The following PHF14 variants were observed in gnomAD, a reference collection of about 807,000 sequenced individuals.
PHF14 encodes PHD finger protein 14.
PHF14 carries 55 observed loss-of-function variants against 117.9 expected under a neutral mutation model. That is an observed-to-expected ratio of 0.47 (90% confidence interval 0.38 to 0.58). The LOEUF is 0.58. Among genes scored for constraint, PHF14 ranks in the 20% least tolerant of loss-of-function variants. PHF14 has a pLI of 0.00. For missense variants in PHF14, 978 were observed against 1,122.2 expected (o/e 0.87, Z 1.84); for synonymous variants, 409 against 368.6 (o/e 1.11, Z -1.26).
Position 11,040,679 on chromosome 7 carries a change from A to G in PHF14, c.2084A>G (p.Asn695Ser), listed in dbSNP as rs1352015139. 6.5e-7 allele frequency: 1 copy of G among 1,540,326 alleles called. No homozygotes were observed. The highest frequency in any genetic ancestry group is 1.4e-5 in the African/African-American group (1 of 72,678). ...LLGRITGQKL[N>S]IPAILRAPKE... The stretch of plus-strand genomic sequence containing the variant: ...ATTTGTTCAAATCAATAGAAGTTGA[A>G]TATACCGGCAATTTTGCGAGCACCC... Residue 695 changes from asparagine to serine, a missense_variant, in exon 12 of 18, where the codon AAT becomes AGT. Coordinates refer to ENST00000634607, the MANE Select transcript of PHF14 (RefSeq NM_001007157.2).
chr7:11,031,573 C>G (rs1480353804), intron 7 of PHF14, among the ~76,000 whole-genome samples: 1 of 142,770 alleles, frequency 7.0e-6, no homozygotes. Context: ...GGCAACATAG[C>G]AGGACCCCAT....
intron 16 of PHF14, among the ~76,000 whole-genome samples, chr7:11,091,337 CAG>C (rs1310614818): frequency 2.7e-5 from 4 of 150,882 alleles, no homozygotes; most frequent in Non-Finnish European, 5.9e-5. Context: ...AGAGTAGAAA[CAG>C]AAAAAAGATG....
chr7:11,031,533 G>C (rs1784120732), intron 7 of PHF14, among the ~76,000 whole-genome samples: 1 of 150,680 alleles, frequency 6.6e-6, no homozygotes, highest in African/African-American at 2.4e-5. Context: ...CCAGAGGATT[G>C]CTTGAGGCCA....
chr7:11,024,265 G>A (rs181325476), intron 6 of PHF14, among the ~76,000 whole-genome samples: 4 of 152,276 alleles, frequency 2.6e-5, no homozygotes, highest in Admixed American at 2.0e-4. Flanking sequence ...AGCAGAGGTT[G>A]GTTCATGAGG....
intron 17 of PHF14, among the ~76,000 whole-genome samples, chr7:11,152,345 T>C (rs901806829): frequency 1.3e-5 from 2 of 152,162 alleles, no homozygotes; most frequent in African/African-American, 2.4e-5. Flanking sequence ...CCAAGGGCAG[T>C]TCCTGAGTGT....
intron 16 of PHF14, among the ~76,000 whole-genome samples, chr7:11,101,802 C>G (rs1183712435): frequency 6.6e-6 from 1 of 151,846 alleles, no homozygotes; most frequent in African/African-American, 2.4e-5. Context: ...CTCATCTTCA[C>G]AGATCTAAAT....
At chr7:11,153,194 A>C (rs551911363) in intron 17 of PHF14, among the ~76,000 whole-genome samples, 2 of 152,352 alleles carry the variant, frequency 1.3e-5, no homozygotes, top group Admixed American at 6.5e-5. Flanking sequence ...ATCCACAGGC[A>C]AGAAACATGA....
chr7:11,096,234 T>C (rs1287953685), intron 16 of PHF14, among the ~76,000 whole-genome samples: 3 of 152,214 alleles, frequency 2.0e-5, no homozygotes, highest in African/African-American at 7.2e-5. Context: ...GCCATCCATG[T>C]ATTTTGTAAA....
At chr7:11,166,735 A>AT (rs1789211978) in intron 17 of PHF14, among the ~76,000 whole-genome samples, 1 of 152,170 alleles carries the variant, frequency 6.6e-6, no homozygotes, top group Non-Finnish European at 1.5e-5. Flanking sequence ...GGTTACAGCT[A>AT]TCCTTCTAAA....
intron 16 of PHF14, chr7:11,106,020 T>C (rs148765636): frequency 1.0e-6 from 1 of 984,824 alleles, no homozygotes; most frequent in African/African-American, 1.7e-5. Context: ...AATCAGTTTA[T>C]TAAAGAACAA....
At chr7:11,027,902 G>A (rs962474784) in intron 6 of PHF14, among the ~76,000 whole-genome samples, 1 of 151,802 alleles carries the variant, frequency 6.6e-6, no homozygotes, top group African/African-American at 2.4e-5. Flanking sequence ...TGTTATTTTT[G>A]GCAAGCAGAT....
intron 4 of PHF14, among the ~76,000 whole-genome samples, chr7:10,995,079 G>A (rs183430931): frequency 1.3e-5 from 2 of 152,210 alleles, no homozygotes; most frequent in Admixed American, 6.5e-5. Flanking sequence ...CTCCAAGTCC[G>A]CACAGAGCAC....
chr7:11,083,357 T>C (rs1786227933), intron 16 of PHF14, among the ~76,000 whole-genome samples: 2 of 152,080 alleles, frequency 1.3e-5, no homozygotes, highest in South Asian at 4.2e-4. Flanking sequence ...GTGCTTTACC[T>C]TCTAGGTGTG....
chr7:11,161,674 A>AAAAATATTATATTTTATTTAAAT lies in PHF14; in HGVS notation c.2773-7737_2773-7715dup, dbSNP rs1562491015. 1.2e-4 allele frequency among the ~76,000 whole-genome samples: 15 copies of AAAAATATTATATTTTATTTAAAT among 129,062 alleles called. 1 individual carries two copies. Among genetic ancestry groups the AAAAATATTATATTTTATTTAAAT allele is most frequent in the Admixed American group, 2.3e-4 (3 of 13,316 alleles). 84.7% of individuals were successfully genotyped at this position (129,062 alleles called of 152,430 possible). ...TCAAAAGCAGGTAAAAACTCTAAAT[A>AAAAATATTATATTTTATTTAAAT]AAAATATTATATTTTATTTAAATAA... On this transcript the variant is annotated intron_variant, in intron 17 of 17. Transcript: ENST00000634607.
chr7:11,109,004 A>G (rs1224142225), intron 16 of PHF14: 1 of 151,810 alleles, frequency 6.6e-6, no homozygotes, highest in South Asian at 2.1e-4. Flanking sequence ...ATTATTAGCA[A>G]TCTGAACTCT....
At chr7:11,122,350 T>TACACACACACACACAC (rs1179471501) in intron 17 of PHF14, among the ~76,000 whole-genome samples, 9 of 63,090 alleles carry the variant, frequency 1.4e-4, no homozygotes, top group East Asian at 1.4e-3. Context: ...TATATATATA[T>TACACACACACACACAC]ATACACACAC....
At chr7:11,106,737 T>G (rs1349841065) in intron 16 of PHF14, 1 of 983,878 alleles carries the variant, frequency 1.0e-6, no homozygotes, top group African/African-American at 1.7e-5. Context: ...CAAGACTAAT[T>G]TTTTTGAACA....
chr7:11,036,666 A>T lies in PHF14; in HGVS notation c.1851A>T (p.Ala617=). Residue 617 remains alanine, a synonymous_variant, in exon 9 of 18, where the codon GCA becomes GCT. Coordinates refer to ENST00000634607, the MANE Select transcript of PHF14 (RefSeq NM_001007157.2). ...AACATAAGCAACCAGCTCTCACTGC[A>T]GATTTTGTGAATTATTATTTTGGTC... ...RRKHKQPALT[A]DFVNYYFERN... The T allele has an allele frequency of 6.2e-7, 1 of 1,613,820 alleles. No homozygotes were observed. The highest frequency in any genetic ancestry group is 8.5e-7 in the Non-Finnish European group (1 of 1,179,752).
intron 4 of PHF14, 144 bp downstream of exon 4, chr7:10,990,991 T>C (rs1782428701): frequency 1.7e-6 from 1 of 585,142 alleles, no homozygotes; most frequent in Admixed American, 3.7e-5. Flanking sequence ...TTTTTCAGGT[T>C]ATCTTTTCTT....
Sources: gnomAD v4.1 joint callset for allele counts (sites outside exome capture counted in the v4.1 genomes callset) on GRCh38, gnomAD v4.1.1 for gene constraint, MANE v1.5 for transcripts, NCBI Gene and HGNC (gene_info 2026-07-23, HGNC 2026-07-21) for gene names.